BUB1B: variants seen among roughly 807,000 people sequenced by gnomAD.
The protein encoded by BUB1B is mitotic checkpoint serine/threonine-protein kinase BUB1 beta.
In BUB1B, 86 loss-of-function variants were observed where a neutral mutation model predicts 137.7. That is an observed-to-expected ratio of 0.62 (90% CI 0.52 to 0.75). The LOEUF (loss-of-function observed/expected upper bound fraction) is 0.75, where lower values mean the gene tolerates loss of function less well. BUB1B is among the 30% of genes least tolerant of loss of function. BUB1B has a pLI of 0.00. For missense variants in BUB1B, 1,130 were observed against 1,236.9 expected, an observed-to-expected ratio of 0.91 and a Z score of 1.30; for synonymous variants, 420 against 417.9, an observed-to-expected ratio of 1.00 and a Z score of -0.06.
At chr15:40,213,286 C>G in intron 19 of BUB1B, 46 bp from the exon 20 acceptor site, 1 of 1,606,936 alleles carries the variant, frequency 6.2e-7, no homozygotes, top group Non-Finnish European at 8.5e-7. Flanking sequence ...TAACTACGAT[C>G]TGCCAAACTT....
chr15:40,186,724 C>T (rs1182068276), intron 8 of BUB1B, among the ~76,000 whole-genome samples: 22 of 151,370 alleles, frequency 1.5e-4, no homozygotes, highest in Non-Finnish European at 2.4e-4. Context: ...GAATTACAGG[C>T]GTGAGCCACT....
At position 40,173,073 on chromosome 15, in the gene BUB1B, C is replaced by T. The variant is rs534333656; in HGVS notation, c.384+2392C>T. On this transcript the variant is annotated intron_variant, in intron 4 of 22. Transcript: ENST00000287598. ...AGTGTATCATCTGAGGTTAGGAGTT[C>T]GAGACCAACCTGGCCAACATGGTGA... Among the ~76,000 whole-genome samples the T allele has an allele frequency of 7.2e-5, 11 of 152,012 alleles. No homozygotes were observed. The East Asian group carries it at 2.1e-3, about 29-fold the overall frequency.
intron 20 of BUB1B, among the ~76,000 whole-genome samples, chr15:40,216,991 A>G (rs2037802027): frequency 6.6e-6 from 1 of 152,230 alleles, no homozygotes; most frequent in South Asian, 2.1e-4. Flanking sequence ...AAATTTTACA[A>G]TACAGATAGG....
chr15:40,201,440 G>A (rs139499102), intron 12 of BUB1B, among the ~76,000 whole-genome samples: 96 of 152,128 alleles, frequency 6.3e-4, no homozygotes, highest in Non-Finnish European at 1.1e-3. Flanking sequence ...GTTTCTAACC[G>A]TCAATTTATT....
rs565124406 is a variant in BUB1B at position 40,202,747 on chromosome 15, C to T, written c.1734+53C>T. The T allele has an allele frequency of 1.0e-5, 15 of 1,450,674 alleles. No individual in the cohort carries two copies. In the East Asian group the frequency reaches 2.9e-4, roughly 29 times the overall value. The allele number at this position is 1,450,674 out of a possible 1,614,324, so 89.9% of individuals were successfully genotyped here. A position where few individuals can be genotyped will look rare whatever the true frequency, so the allele number is the denominator to read the frequency against. On this transcript the variant is annotated intron_variant, in intron 14 of 22. Transcript: ENST00000287598. ...TAAATGGGCTAGTGGATTGTTTATT[C>T]AAAACCACAAAAGCTTAAGGTTAAA... is the stretch of plus-strand genomic sequence containing the variant.
intron 5 of BUB1B, among the ~76,000 whole-genome samples, chr15:40,181,729 C>G (rs1356777865): frequency 1.3e-5 from 2 of 152,156 alleles, no homozygotes; most frequent in Admixed American, 1.3e-4. Flanking sequence ...TCTTCCATCT[C>G]CATCCTGCTA....
intron 6 of BUB1B, among the ~76,000 whole-genome samples, chr15:40,184,288 A>G (rs1006558201): frequency 3.9e-5 from 6 of 152,036 alleles, no homozygotes; most frequent in African/African-American, 1.5e-4. Context: ...AAGATCAGCA[A>G]TAATTTTTTT....
intron 20 of BUB1B, among the ~76,000 whole-genome samples, chr15:40,216,571 A>G (rs28547441): frequency 1.4e-4 from 12 of 83,052 alleles, no homozygotes; most frequent in African/African-American, 7.3e-4. Context: ...ATATATATAT[A>G]TTTTTTTTTT....
At chr15:40,198,237 G>A (rs2037521468) in intron 9 of BUB1B, among the ~76,000 whole-genome samples, 1 of 115,042 alleles carries the variant, frequency 8.7e-6, no homozygotes, top group African/African-American at 3.7e-5. Flanking sequence ...CATTTCTATT[G>A]TGTTTTTTTT....
chr15:40,165,325 C>T, intron 2 of BUB1B, 129 bp downstream of exon 2: 1 of 1,220,246 alleles, frequency 8.2e-7, no homozygotes. Context: ...AATCTGTTCT[C>T]TACCTGCTTT....
At chr15:40,169,051 A>G (rs965984569) in intron 2 of BUB1B, among the ~76,000 whole-genome samples, 11 of 152,170 alleles carry the variant, frequency 7.2e-5, no homozygotes, top group African/African-American at 2.7e-4. Context: ...GTCAGGGACT[A>G]ATTATTTTTA....
At chr15:40,173,262 C>T (rs181333680) in intron 4 of BUB1B, among the ~76,000 whole-genome samples, 31 of 132,742 alleles carry the variant, frequency 2.3e-4, no homozygotes, top group Admixed American at 5.3e-4. Flanking sequence ...CCAGCCTGGG[C>T]GACAGAGCGA....
chr15:40,209,480 A>G (rs925734900), intron 16 of BUB1B, among the ~76,000 whole-genome samples, 155 bp from the exon 17 acceptor site: 4 of 152,284 alleles, frequency 2.6e-5, no homozygotes, highest in African/African-American at 9.6e-5. Flanking sequence ...AAGTGAACAC[A>G]GTTTCATAAA....
At chr15:40,207,607 ATAT>A (rs2037653206) in intron 15 of BUB1B, among the ~76,000 whole-genome samples, 1 of 152,210 alleles carries the variant, frequency 6.6e-6, no homozygotes, top group Admixed American at 6.5e-5. Flanking sequence ...GTGTTTCTCA[ATAT>A]TATGGAATAT....
At chr15:40,181,446 A>T (rs767175264) in intron 5 of BUB1B, among the ~76,000 whole-genome samples, 3 of 152,140 alleles carry the variant, frequency 2.0e-5, no homozygotes, top group Non-Finnish European at 4.4e-5. Context: ...TTGAATTTGT[A>T]AATGTATGCC....
chr15:40,198,082 C>T (rs912704379), intron 9 of BUB1B, among the ~76,000 whole-genome samples: 5 of 151,980 alleles, frequency 3.3e-5, no homozygotes, highest in African/African-American at 7.2e-5. Flanking sequence ...AAAGACCAGC[C>T]TGGGCAACAT....
intron 8 of BUB1B, among the ~76,000 whole-genome samples, 173 bp from the exon 9 acceptor site, chr15:40,196,372 G>A (rs1007328579): frequency 6.6e-6 from 1 of 152,112 alleles, no homozygotes; most frequent in Non-Finnish European, 1.5e-5. Flanking sequence ...GTATTATGCT[G>A]TTTTGGTGAC....
intron 21 of BUB1B, 87 bp downstream of exon 21, chr15:40,217,754 T>G: frequency 6.9e-7 from 1 of 1,452,102 alleles, no homozygotes; most frequent in South Asian, 1.1e-5. Flanking sequence ...TACTGTTTAC[T>G]GATACCGACT....
chr15:40,170,561 C>A lies in BUB1B; in HGVS notation c.264C>A (p.Asn88Lys), dbSNP rs1306074692. 1.9e-6 allele frequency: 3 copies of A among 1,613,476 alleles called. No individual in the cohort carries two copies. The African/African-American group carries it at 4.0e-5, about 22-fold the overall frequency. ...WDRYISWTEQ[N>K]YPQGGKESNM... ...GGTATATCAGCTGGACAGAGCAGAACTATCCTCAAGGTGGGAAGGAGAGTA... is the reference window on the plus strand; with the variant it reads ...GGTATATCAGCTGGACAGAGCAGAAATATCCTCAAGGTGGGAAGGAGAGTA... Residue 88 changes from asparagine (N) to lysine (K), a missense_variant, in exon 4 of 23, where the codon AAC (asparagine) becomes AAA (lysine). Transcript: ENST00000287598.
Sources: allele counts gnomAD v4.1 joint callset (sites outside exome capture counted in the v4.1 genomes callset), GRCh38; gene constraint gnomAD v4.1.1; transcripts MANE v1.5; gene names NCBI Gene and HGNC (gene_info 2026-07-23, HGNC 2026-07-21).